RTN1: variants seen among roughly 807,000 people sequenced by gnomAD.
RTN1 encodes reticulon-1.
Under a neutral mutation model 65.5 loss-of-function variants are expected in RTN1, and 25 were observed. The observed-to-expected ratio is 0.38, with a 90% CI of 0.28 to 0.53. The LOEUF is 0.53. Ranked by LOEUF, RTN1 falls within the 20% of genes least tolerant of loss-of-function variation. The probability of loss-of-function intolerance (pLI) is 0.79; values close to 1 mark genes in which losing one functional copy is unlikely to be tolerated. For synonymous variants in RTN1, 471 were observed against 447.6 expected (o/e 1.05, Z -0.66); for missense variants, 983 against 1,025.4 (o/e 0.96, Z 0.57).
chr14:59,869,709 G>A (rs1450354435), intron 1 of RTN1, among the ~76,000 whole-genome samples: 1 of 152,120 alleles, frequency 6.6e-6, no homozygotes, highest in Non-Finnish European at 1.5e-5. Flanking sequence ...GCAAGGTGGG[G>A]CCATCCGGGC....
intron 1 of RTN1, among the ~76,000 whole-genome samples, chr14:59,769,116 T>C (rs988513802): frequency 6.6e-6 from 1 of 152,172 alleles, no homozygotes; most frequent in East Asian, 1.9e-4. Flanking sequence ...CTCTTAATCA[T>C]TATGTTATAC....
intron 1 of RTN1, among the ~76,000 whole-genome samples, chr14:59,815,058 C>T (rs1033722348): frequency 1.3e-5 from 2 of 152,192 alleles, no homozygotes; most frequent in Non-Finnish European, 2.9e-5. Flanking sequence ...TATTCATTTA[C>T]TCCAAACAGG....
At chr14:59,819,410 CA>C (rs1566737441) in intron 1 of RTN1, among the ~76,000 whole-genome samples, 610 of 16,172 alleles carry the variant, frequency 0.038, 5 homozygotes, top group South Asian at 0.052. Context: ...TCCACACCAC[CA>C]CCACCCCCCC....
chr14:59,603,624 T>C, intron 6 of RTN1: 1 of 334,332 alleles, frequency 3.0e-6, no homozygotes, highest in South Asian at 7.9e-5. Flanking sequence ...AGAAGCCAGT[T>C]ATGTTTGAAG....
At chr14:59,808,054 T>C (rs1401301161) in intron 1 of RTN1, among the ~76,000 whole-genome samples, 1 of 152,232 alleles carries the variant, frequency 6.6e-6, no homozygotes, top group Non-Finnish European at 1.5e-5. Flanking sequence ...TCATTGTTCT[T>C]ATTCTGTAAA....
At chr14:59,800,552 C>G (rs1024391758) in intron 1 of RTN1, among the ~76,000 whole-genome samples, 4 of 152,082 alleles carry the variant, frequency 2.6e-5, no homozygotes, top group African/African-American at 4.8e-5. Flanking sequence ...AGGCGCCCAC[C>G]ACCACGCCTG....
At chr14:59,607,179 G>T (rs898349839) in intron 4 of RTN1, 106 bp downstream of exon 4, 6 of 938,698 alleles carry the variant, frequency 6.4e-6, no homozygotes, top group Non-Finnish European at 8.3e-6. Context: ...TAAGAGGTCT[G>T]TTGGGTCTCA....
intron 1 of RTN1, among the ~76,000 whole-genome samples, chr14:59,750,492 AT>A (rs1885475854): frequency 6.0e-4 from 35 of 58,202 alleles, no homozygotes; most frequent in Non-Finnish European, 8.7e-4. Context: ...TATAATATAT[AT>A]ATTATATCTA....
chr14:59,659,138 A>G (rs1883187763), intron 3 of RTN1, among the ~76,000 whole-genome samples: 2 of 152,180 alleles, frequency 1.3e-5, no homozygotes, highest in South Asian at 2.1e-4. Context: ...GATATCAGAG[A>G]TTGAAGATCA....
At chr14:59,712,302 G>T (rs1884440275) in intron 3 of RTN1, among the ~76,000 whole-genome samples, 1 of 152,056 alleles carries the variant, frequency 6.6e-6, no homozygotes, top group Non-Finnish European at 1.5e-5. Context: ...TTTTAAATCA[G>T]CTGGGGCATA....
At chr14:59,702,966 C>G (rs1001997401) in intron 3 of RTN1, among the ~76,000 whole-genome samples, 1 of 152,164 alleles carries the variant, frequency 6.6e-6, no homozygotes, top group East Asian at 1.9e-4. Context: ...GCCTTTACTG[C>G]AGTTGTTTCT....
intron 3 of RTN1, among the ~76,000 whole-genome samples, chr14:59,650,162 A>C (rs1269569473): frequency 6.6e-6 from 1 of 152,204 alleles, no homozygotes; most frequent in East Asian, 1.9e-4. Flanking sequence ...AGAAAACCAA[A>C]CACTGCATGT....
intron 1 of RTN1, among the ~76,000 whole-genome samples, chr14:59,850,215 C>T (rs1484938406): frequency 1.3e-5 from 2 of 152,234 alleles, no homozygotes; most frequent in Non-Finnish European, 2.9e-5. Flanking sequence ...AATGGGGTTA[C>T]ATCCTCATAA....
At chr14:59,703,649 CT>C in intron 3 of RTN1, among the ~76,000 whole-genome samples, 2 of 152,340 alleles carry the variant, frequency 1.3e-5, no homozygotes, top group Middle Eastern at 3.4e-3. Flanking sequence ...TTGTTCTTGT[CT>C]TTCTCCCCCT....
At chr14:59,758,201 C>T (rs886525707) in intron 1 of RTN1, among the ~76,000 whole-genome samples, 2 of 152,158 alleles carry the variant, frequency 1.3e-5, no homozygotes, top group African/African-American at 4.8e-5. Flanking sequence ...ACCACCTTCT[C>T]TCAGGAGTAC....
chr14:59,866,685 T>C (rs575166193), intron 1 of RTN1, among the ~76,000 whole-genome samples: 2 of 152,308 alleles, frequency 1.3e-5, no homozygotes, highest in East Asian at 1.9e-4. Context: ...ATTCATCTTA[T>C]ATGTTTCTTT....
At chr14:59,782,062 G>C (rs750259188) in intron 1 of RTN1, among the ~76,000 whole-genome samples, 10 of 152,146 alleles carry the variant, frequency 6.6e-5, no homozygotes, top group Non-Finnish European at 1.3e-4. Flanking sequence ...AGACCACTGA[G>C]AGCTAGCTAG....
intron 1 of RTN1, among the ~76,000 whole-genome samples, chr14:59,821,500 T>C (rs568710717): frequency 6.6e-6 from 1 of 152,320 alleles, no homozygotes; most frequent in East Asian, 1.9e-4. Flanking sequence ...CCTATTTGGA[T>C]GTATTTCTTT....
intron 3 of RTN1, among the ~76,000 whole-genome samples, chr14:59,621,058 A>C (rs1225667744): frequency 2.0e-5 from 3 of 152,204 alleles, no homozygotes; most frequent in Non-Finnish European, 4.4e-5. Context: ...CTGCATTCCA[A>C]ATCTGCTGTG....
Sources: allele counts gnomAD v4.1 joint callset (sites outside exome capture counted in the v4.1 genomes callset), GRCh38; gene constraint gnomAD v4.1.1; transcripts MANE v1.5; gene names NCBI Gene and HGNC (gene_info 2026-07-23, HGNC 2026-07-21).